Variants in CAVIN1 observed in about 807,000 individuals in gnomAD.
The protein encoded by CAVIN1 is caveolae associated protein 1.
In CAVIN1, 16 loss-of-function variants were observed where a neutral mutation model predicts 24.0. The ratio of observed to expected loss-of-function variants is 0.67; its 90% CI spans 0.45 to 1.01. CAVIN1 has a LOEUF of 1.01. Among genes scored for constraint, CAVIN1 ranks in the 50% least tolerant of loss-of-function variants. CAVIN1 has a pLI of 0.00. For synonymous variants in CAVIN1, 256 were observed against 256.4 expected (o/e 1.00, Z 0.02); for missense variants, 510 against 551.7 (o/e 0.92, Z 0.76).
rs1386034593 is a variant in CAVIN1, at chr17:42,402,634, GAGAGA to G, written c.*2048_*2052del. The G allele has an allele frequency of 6.7e-6, 1 of 149,178 alleles. No individual in the cohort carries two copies. The highest frequency in any genetic ancestry group is 2.5e-5 in the African/African-American group (1 of 40,334). 9.2% of individuals were successfully genotyped at this position (149,178 alleles called of 1,614,324 possible). ...CAGAGGGGTCTTCAGCCATTCAGAGGAGAGAAGAGAACCGAGAAAGGGAAAAGGAA... is the reference window on the plus strand; with the variant it reads ...CAGAGGGGTCTTCAGCCATTCAGAGGAGAGAACCGAGAAAGGGAAAAGGAA... On this transcript the variant is annotated 3_prime_UTR_variant, in exon 2 of 2. Transcript: ENST00000357037.
rs2085534332 is a variant in CAVIN1 at position 42,419,848 on chromosome 17, G to A, written c.471+2779C>T. Among the ~76,000 whole-genome samples, 4 of 151,616 alleles carry A rather than the reference G, an allele frequency of 2.6e-5. No homozygotes were observed. In the South Asian group the frequency reaches 8.3e-4, roughly 32 times the overall value. ...ACTCAGAAGTGAGTTTAAGATGAGGGCTGTGATACCTTGGGGTGGGAGGTG... is the reference window on the plus strand; with the variant it reads ...ACTCAGAAGTGAGTTTAAGATGAGGACTGTGATACCTTGGGGTGGGAGGTG... On this transcript the variant is annotated intron_variant, in intron 1 of 1. Transcript: ENST00000357037.
At chr17:42,405,493 T>C in intron 1 of CAVIN1, 105 bp from the exon 2 acceptor site, 1 of 1,209,474 alleles carries the variant, frequency 8.3e-7, no homozygotes, top group Non-Finnish European at 1.2e-6. Context: ...CATGGGACGC[T>C]CGTGGTCCCC....
chr17:42,419,352 C>T (rs963189878), intron 1 of CAVIN1, among the ~76,000 whole-genome samples: 2 of 151,802 alleles, frequency 1.3e-5, no homozygotes, highest in African/African-American at 4.8e-5. Flanking sequence ...CTCACTCTGT[C>T]GCCCAGGCTG....
Position 42,404,508 on chromosome 17 carries a change from G to T in CAVIN1, c.*179C>A. The T allele has an allele frequency of 2.1e-6, 1 of 478,992 alleles. No homozygotes were observed. Among genetic ancestry groups the T allele is most frequent in the Non-Finnish European group, 3.7e-6 (1 of 273,292 alleles). 29.7% of individuals were successfully genotyped at this position (478,992 alleles called of 1,614,324 possible). A position where few individuals can be genotyped will look rare whatever the true frequency, so the allele number is the denominator to read the frequency against. Reference sequence around the variant, plus strand: ...TGTCCAAGCGGGGGTTGTCCACTGCGGGGGCTGCCTCCCCATCGGGTCCTA... The same window carrying T: ...TGTCCAAGCGGGGGTTGTCCACTGCTGGGGCTGCCTCCCCATCGGGTCCTA... On this transcript the variant is annotated 3_prime_UTR_variant, in exon 2 of 2. Transcript: ENST00000357037.
chr17:42,410,025 C>T (rs1284064072), intron 1 of CAVIN1, among the ~76,000 whole-genome samples: 1 of 152,178 alleles, frequency 6.6e-6, no homozygotes, highest in Non-Finnish European at 1.5e-5. Context: ...AGGCTCCCAG[C>T]CTCTTCCACT....
Position 42,405,406 on chromosome 17 carries a change from G to C in CAVIN1, c.472-18C>G, listed in dbSNP as rs1216374325. On this transcript the variant is annotated intron_variant, in intron 1 of 1. Transcript: ENST00000357037. ...ACTTCATCCTAAGGGAAGAGGAGAA[G>C]GGACATGAGAGGCGTCGGAGGAGGC... The C allele has an allele frequency of 6.2e-7, 1 of 1,601,666 alleles. No homozygotes were observed. The highest frequency in any genetic ancestry group is 8.5e-7 in the Non-Finnish European group (1 of 1,179,848).
rs370057758 is a variant in CAVIN1 at position 42,414,811 on chromosome 17, G to A, written c.471+7816C>T. On this transcript the variant is annotated intron_variant, in intron 1 of 1. Coordinates refer to ENST00000357037, the MANE Select transcript of CAVIN1 (RefSeq NM_012232.6). Reference sequence around the variant, plus strand: ...AGGAGGAGGTGGGAGTGGCAGAGAGGCTGAAGAGAAAGGGAAACAACATGT... The same window carrying A: ...AGGAGGAGGTGGGAGTGGCAGAGAGACTGAAGAGAAAGGGAAACAACATGT... 2.0e-5 allele frequency among the ~76,000 whole-genome samples: 3 copies of A among 152,042 alleles called. No individual in the cohort carries two copies. In the South Asian group the frequency reaches 6.2e-4, roughly 32 times the overall value.
chr17:42,417,779 C>T (rs560506683), intron 1 of CAVIN1, among the ~76,000 whole-genome samples: 2 of 152,298 alleles, frequency 1.3e-5, no homozygotes, highest in African/African-American at 4.8e-5. Flanking sequence ...CTGCCTCAGC[C>T]TCCCAAGTAG....
At chr17:42,418,344 G>A (rs1050540685) in intron 1 of CAVIN1, among the ~76,000 whole-genome samples, 1 of 149,802 alleles carries the variant, frequency 6.7e-6, no homozygotes, top group African/African-American at 2.5e-5. Flanking sequence ...TGATTCTCCT[G>A]CCTCAGCCTC....
intron 1 of CAVIN1, among the ~76,000 whole-genome samples, chr17:42,421,608 G>A (rs990006539): frequency 3.3e-5 from 5 of 152,244 alleles, no homozygotes; most frequent in African/African-American, 1.2e-4. Context: ...GGCGTGGAGA[G>A]GAGCAGCATA....
At chr17:42,410,989 C>A (rs1567778298) in intron 1 of CAVIN1, among the ~76,000 whole-genome samples, 1 of 140,680 alleles carries the variant, frequency 7.1e-6, no homozygotes. Context: ...GGAGGCGGGG[C>A]AGATCACCTG....
At chr17:42,413,571 A>G in intron 1 of CAVIN1, among the ~76,000 whole-genome samples, 1 of 25,204 alleles carries the variant, frequency 4.0e-5, no homozygotes, top group Non-Finnish European at 9.5e-5. Flanking sequence ...AAAGGGAAAA[A>G]AAAAAAAAAA....
Position 42,423,180 on chromosome 17 carries a change from G to T in CAVIN1, c.-83C>A. On this transcript the variant is annotated 5_prime_UTR_variant, in exon 1 of 2. Coordinates refer to ENST00000357037, the MANE Select transcript of CAVIN1 (RefSeq NM_012232.6). ...CGGAGAGAAGCAGGAGCGGAAGGGA[G>T]GAGAGCTAGCGGGCGAGAGCGGAGA... 1 of 1,151,838 alleles carries T rather than the reference G, an allele frequency of 8.7e-7. No homozygotes were observed. The highest frequency in any genetic ancestry group is 1.2e-6 in the Non-Finnish European group (1 of 823,910). 71.4% of individuals were successfully genotyped at this position (1,151,838 alleles called of 1,614,324 possible).
intron 1 of CAVIN1, among the ~76,000 whole-genome samples, chr17:42,413,163 C>T (rs2085490391): frequency 6.6e-6 from 1 of 151,604 alleles, no homozygotes; most frequent in African/African-American, 2.4e-5. Context: ...GAACTCCTGA[C>T]CTCAAGTGAT....
intron 1 of CAVIN1, among the ~76,000 whole-genome samples, chr17:42,415,915 C>T (rs112473847): frequency 1.4e-3 from 219 of 152,084 alleles, no homozygotes; most frequent in African/African-American, 5.0e-3. Flanking sequence ...TTTGCTGTCT[C>T]CTCATGCTTT....
In CAVIN1 at chr17:42,422,911, C is replaced by G; in HGVS notation, c.187G>C (p.Gly63Arg). 3.7e-6 allele frequency: 6 copies of G among 1,614,076 alleles called. No homozygotes were observed. The highest frequency in any genetic ancestry group is 4.2e-6 in the Non-Finnish European group (5 of 1,180,008). ...GTCAGCTGGATCTGGTCTACGGCCCCGATGATTTTGTCCAGGAGGCTCAGC... is the reference window on the plus strand; with the variant it reads ...GTCAGCTGGATCTGGTCTACGGCCCGGATGATTTTGTCCAGGAGGCTCAGC... Reference protein sequence around the residue: ...LVLSLLDKIIGAVDQIQLTQA... With the variant: ...LVLSLLDKIIRAVDQIQLTQA... Residue 63 changes from glycine to arginine, a missense_variant, in exon 1 of 2, where the codon GGG becomes CGG. Transcript: ENST00000357037.
chr17:42,422,723 G>A lies in CAVIN1; in HGVS notation c.375C>T (p.Arg125=). 2 of 1,609,966 alleles carry A rather than the reference G, an allele frequency of 1.2e-6. No individual in the cohort carries two copies. Among genetic ancestry groups the A allele is most frequent in the East Asian group, 4.5e-5 (2 of 44,696 alleles). The change falls in exon 1 of 2, where the codon CGC becomes CGT. Residue 125 remains arginine (R), a synonymous_variant. Transcript: ENST00000357037. The part of the protein sequence containing the change: ...RKVSVNVKTV[R]GSLERQAGQI... Reference sequence around the variant, plus strand: ...GCCCCGCCTGGCGCTCCAGGCTGCCGCGCACGGTCTTCACGTTGACGCTGA... The same window carrying A: ...GCCCCGCCTGGCGCTCCAGGCTGCCACGCACGGTCTTCACGTTGACGCTGA...
At position 42,422,900 on chromosome 17, in the gene CAVIN1, G is replaced by A. The variant is rs372366371; in HGVS notation, c.198C>T (p.Asp66=). Residue 66 remains aspartate, a synonymous_variant, in exon 1 of 2, where the codon GAC becomes GAT. Transcript: ENST00000357037. ...SLLDKIIGAV[D]QIQLTQAQLE... ...GCTGTGCTTGAGTCAGCTGGATCTG[G>A]TCTACGGCCCCGATGATTTTGTCCA... is the stretch of plus-strand genomic sequence containing the variant. The A allele has an allele frequency of 1.9e-5, 31 of 1,613,988 alleles. No homozygotes were observed. Among genetic ancestry groups the A allele is most frequent in the Non-Finnish European group, 2.5e-5 (30 of 1,180,018 alleles).
intron 1 of CAVIN1, among the ~76,000 whole-genome samples, chr17:42,406,375 C>CA (rs59023533): frequency 0.24 from 33,631 of 140,884 alleles, 4,438 homozygotes; most frequent in East Asian, 0.41. Context: ...CAAGCTATTT[C>CA]TTTTTTTTTT....
Sources: gnomAD v4.1 joint callset for allele counts (sites outside exome capture counted in the v4.1 genomes callset) on GRCh38, gnomAD v4.1.1 for gene constraint, MANE v1.5 for transcripts, NCBI Gene and HGNC (gene_info 2026-07-23, HGNC 2026-07-21) for gene names.